The following MLLT1 variants were observed in gnomAD, a reference collection of about 807,000 sequenced individuals.
MLLT1 encodes protein ENL.
In MLLT1, 11 loss-of-function variants were observed where a neutral mutation model predicts 55.1. The ratio of observed to expected loss-of-function variants is 0.20; its 90% CI spans 0.13 to 0.33. MLLT1 has a LOEUF of 0.33. Ranked by LOEUF, MLLT1 falls within the 10% of genes least tolerant of loss-of-function variation. MLLT1 has a pLI of 1.00. For missense variants in MLLT1, 536 were observed against 760.6 expected (o/e 0.70, Z 3.47); for synonymous variants, 323 against 320.1 (o/e 1.01, Z -0.10).
chr19:6,230,503 C>A lies in MLLT1; in HGVS notation c.420+67G>T. The A allele has an allele frequency of 6.3e-7, 1 of 1,588,398 alleles. No individual in the cohort carries two copies. The highest frequency in any genetic ancestry group is 1.1e-5 in the South Asian group (1 of 90,020). On this transcript the variant is annotated intron_variant, in intron 4 of 11. Transcript: ENST00000252674. The surrounding 1 kb of genome is among the most constrained non-coding windows in gnomAD (Gnocchi z 9.0). ...CAGCACCGACACCTCTGGCTGGGCACAGACGGCCGCAGCAAAGTAGCCTCG... is the reference window on the plus strand; with the variant it reads ...CAGCACCGACACCTCTGGCTGGGCAAAGACGGCCGCAGCAAAGTAGCCTCG...
chr19:6,265,042 AAAAAAAC>A (rs1235771368), intron 2 of MLLT1, among the ~76,000 whole-genome samples: 7 of 52,928 alleles, frequency 1.3e-4, no homozygotes, highest in East Asian at 5.4e-4. Context: ...GAACAGCAAA[AAAAAAAC>A]AAAAAAACAA....
rs937033086 is a variant in MLLT1 at position 6,214,439 on chromosome 19, C to A, written c.1308-401G>T. On this transcript the variant is annotated intron_variant, in intron 8 of 11. Transcript: ENST00000252674. ...CACTGCCCTAGGGCTTCCATGGCCGCCCGTCCCTCCGATGCTCCCCTGGCC... is the reference window on the plus strand; with the variant it reads ...CACTGCCCTAGGGCTTCCATGGCCGACCGTCCCTCCGATGCTCCCCTGGCC... 8.5e-5 allele frequency among the ~76,000 whole-genome samples: 13 copies of A among 152,330 alleles called. No individual in the cohort carries two copies. In the East Asian group the frequency reaches 1.9e-3, roughly 23 times the overall value.
chr19:6,248,193 T>C (rs1421987659), intron 3 of MLLT1, among the ~76,000 whole-genome samples: 1 of 152,206 alleles, frequency 6.6e-6, no homozygotes, highest in African/African-American at 2.4e-5. Flanking sequence ...CAGCCTGAGA[T>C]TTTGGAGCAT....
At chr19:6,272,482 G>A (rs11673545) in intron 1 of MLLT1, among the ~76,000 whole-genome samples, 41,100 of 152,006 alleles carry the variant, frequency 0.27, 6,568 homozygotes, top group African/African-American at 0.44. Context: ...TGGCTCACAC[G>A]CTGCCCTGTC....
chr19:6,223,938 G>A (rs575628191), intron 5 of MLLT1, among the ~76,000 whole-genome samples: 55 of 152,292 alleles, frequency 3.6e-4, no homozygotes, highest in African/African-American at 1.2e-3. Flanking sequence ...CTGGCCTCCC[G>A]GCACAGAAGC....
At chr19:6,252,553 T>C (rs2091225442) in intron 3 of MLLT1, among the ~76,000 whole-genome samples, 1 of 152,102 alleles carries the variant, frequency 6.6e-6, no homozygotes, top group Non-Finnish European at 1.5e-5. Flanking sequence ...CAAAACACAA[T>C]ATATCGAAAC....
Position 6,235,948 on chromosome 19 carries a change from T to G in MLLT1, c.277-5235A>C, listed in dbSNP as rs1323358453. ...ACAGCTCACTCTCTGCCAGCTCTCCTTACAGTCCAAAGCATGTCTGTCTTC... is the reference window on the plus strand; with the variant it reads ...ACAGCTCACTCTCTGCCAGCTCTCCGTACAGTCCAAAGCATGTCTGTCTTC... On this transcript the variant is annotated intron_variant, in intron 3 of 11. Transcript: ENST00000252674. This position sits in a 1 kb window ranked among gnomAD's most constrained non-coding sequence, Gnocchi z 5.5. Among the ~76,000 whole-genome samples, 1 of 151,566 alleles carries G rather than the reference T, an allele frequency of 6.6e-6. No individual in the cohort carries two copies. Among genetic ancestry groups the G allele is most frequent in the African/African-American group, 2.4e-5 (1 of 41,348 alleles).
chr19:6,213,390 C>G lies in MLLT1; in HGVS notation c.1498G>C (p.Val500Leu), dbSNP rs1289641195. ...TYDKAYTDEL[V>L]ELHRRLMALR... Reference sequence around the variant, plus strand: ...GCCATCAGCCTCCGGTGTAGCTCCACCAGCTCATCCGTGTAGGCCTGGGGA... The same window carrying G: ...GCCATCAGCCTCCGGTGTAGCTCCAGCAGCTCATCCGTGTAGGCCTGGGGA... The change falls in exon 11 of 12, where the codon GTG becomes CTG. Residue 500 changes from valine (V) to leucine (L), a missense_variant. By Grantham distance (32) the Val-to-Leu change is conservative (BLOSUM62 1). This residue lies in a region of MLLT1 where 449 missense variants were observed against 489.0 expected (regional missense o/e 0.92). Coordinates refer to ENST00000252674, the MANE Select transcript of MLLT1 (RefSeq NM_005934.4). 3.1e-6 allele frequency: 5 copies of G among 1,611,740 alleles called. No individual in the cohort carries two copies. The highest frequency in any genetic ancestry group is 4.2e-6 in the Non-Finnish European group (5 of 1,179,944).
chr19:6,211,872 C>T lies in MLLT1; in HGVS notation c.*1170G>A. The T allele has an allele frequency of 2.8e-6, 3 of 1,064,476 alleles. No homozygotes were observed. The highest frequency in any genetic ancestry group is 9.1e-5 in the South Asian group (2 of 21,982). 65.9% of individuals were successfully genotyped at this position (1,064,476 alleles called of 1,614,324 possible). On this transcript the variant is annotated 3_prime_UTR_variant, in exon 12 of 12. Coordinates refer to ENST00000252674, the MANE Select transcript of MLLT1 (RefSeq NM_005934.4). This position sits in a 1 kb window ranked among gnomAD's most constrained non-coding sequence, Gnocchi z 4.6. The stretch of plus-strand genomic sequence containing the variant: ...CAGGAGTGGGGCTGCGGGCGCGGCA[C>T]CAGCATGAATTGCGGCGGTGGAGGC...
rs568031697 is a variant in MLLT1, at chr19:6,213,850, C to G, written c.1408-53G>C. On this transcript the variant is annotated intron_variant, in intron 9 of 11. Coordinates refer to ENST00000252674, the MANE Select transcript of MLLT1 (RefSeq NM_005934.4). ...CTGTGGCCCACACCCTCCCCAGCCC[C>G]GAAGGCCCCACAAACCCTCCTAGGA... 6.3e-6 allele frequency: 10 copies of G among 1,595,962 alleles called. No homozygotes were observed. The African/African-American group carries it at 1.1e-4, about 17-fold the overall frequency.
chr19:6,246,629 G>A (rs943880976), intron 3 of MLLT1, among the ~76,000 whole-genome samples: 4 of 152,194 alleles, frequency 2.6e-5, no homozygotes, highest in African/African-American at 9.7e-5. Context: ...GGCTGGGGGT[G>A]GGGAGGGGGA....
intron 3 of MLLT1, among the ~76,000 whole-genome samples, chr19:6,261,753 T>C (rs1012772686): frequency 6.6e-6 from 1 of 152,150 alleles, no homozygotes; most frequent in Non-Finnish European, 1.5e-5. Flanking sequence ...AGATAACTCC[T>C]TTTTCCTTCA....
At chr19:6,213,517 GC>G in intron 10 of MLLT1, 109 bp from the exon 11 acceptor site, 1 of 1,116,200 alleles carries the variant, frequency 9.0e-7, no homozygotes, top group Non-Finnish European at 1.4e-6. Context: ...GACAGAGGTA[GC>G]CACATCCAAA....
At chr19:6,238,173 G>T (rs562569554) in intron 3 of MLLT1, among the ~76,000 whole-genome samples, 4 of 152,206 alleles carry the variant, frequency 2.6e-5, no homozygotes, top group Admixed American at 1.3e-4. Flanking sequence ...TTTAAAAGAC[G>T]TATGTCCACA....
chr19:6,268,000 A>ATCCCC (rs879550499), intron 2 of MLLT1, among the ~76,000 whole-genome samples: 3,660 of 152,298 alleles, frequency 0.024, 66 homozygotes, highest in Middle Eastern at 0.051. Flanking sequence ...AACTGACAGA[A>ATCCCC]ACCTCTGACT....
rs1261377946 is a variant in MLLT1 at position 6,240,341 on chromosome 19, T to C, written c.277-9628A>G. On this transcript the variant is annotated intron_variant, in intron 3 of 11. Coordinates refer to ENST00000252674, the MANE Select transcript of MLLT1 (RefSeq NM_005934.4). This position sits in a 1 kb window ranked among gnomAD's most constrained non-coding sequence, Gnocchi z 4.7. ...GGTCAGGGGAGGCGGGGGAGTTTTCTTCTTGTACCCCTGAACTTCAAACTC... is the reference window on the plus strand; with the variant it reads ...GGTCAGGGGAGGCGGGGGAGTTTTCCTCTTGTACCCCTGAACTTCAAACTC... Among the ~76,000 whole-genome samples, 2 of 152,318 alleles carry C rather than the reference T, an allele frequency of 1.3e-5. No homozygotes were observed. Among genetic ancestry groups the C allele is most frequent in the Admixed American group, 1.3e-4 (2 of 15,300 alleles).
At chr19:6,269,637 C>T (rs1448948694) in intron 2 of MLLT1, among the ~76,000 whole-genome samples, 1 of 152,118 alleles carries the variant, frequency 6.6e-6, no homozygotes, top group African/African-American at 2.4e-5. Flanking sequence ...TCCTGGGTCC[C>T]GGGTCCCGGG....
rs2091047751 is a variant in MLLT1, at chr19:6,235,140, G to C, written c.277-4427C>G. ...AGCGCAGGCTGGAACGGGCTTGGCT[G>C]TGCAGGGACCACCTTTGGGTGGGTG... On this transcript the variant is annotated intron_variant, in intron 3 of 11. Coordinates refer to ENST00000252674, the MANE Select transcript of MLLT1 (RefSeq NM_005934.4). The surrounding 1 kb of genome is among the most constrained non-coding windows in gnomAD (Gnocchi z 5.5). 6.6e-6 allele frequency among the ~76,000 whole-genome samples: 1 copy of C among 152,242 alleles called. No homozygotes were observed. Among genetic ancestry groups the C allele is most frequent in the African/African-American group, 2.4e-5 (1 of 41,462 alleles).
chr19:6,219,045 G>A lies in MLLT1; in HGVS notation c.1111-1004C>T, dbSNP rs375306611. On this transcript the variant is annotated intron_variant, in intron 6 of 11. Coordinates refer to ENST00000252674, the MANE Select transcript of MLLT1 (RefSeq NM_005934.4). This position sits in a 1 kb window ranked among gnomAD's most constrained non-coding sequence, Gnocchi z 4.5. ...CAGCCATGCAAGGGAAGCCGTGAAC[G>A]GAGTACTGAGCTGGTGGGACTCAGG... 2.0e-5 allele frequency among the ~76,000 whole-genome samples: 3 copies of A among 152,264 alleles called. No individual in the cohort carries two copies. The highest frequency in any genetic ancestry group is 1.9e-4 in the East Asian group (1 of 5,172).
Sources: gnomAD v4.1 joint callset for allele counts (sites outside exome capture counted in the v4.1 genomes callset) on GRCh38, gnomAD v4.1.1 for gene constraint, gnomAD v4.1.1 regional missense constraint, Gnocchi (gnomAD v3.1) non-coding constraint, MANE v1.5 for transcripts, NCBI Gene and HGNC (gene_info 2026-07-23, HGNC 2026-07-21) for gene names.